RANBP17: variants seen among roughly 807,000 people sequenced by gnomAD.
RANBP17 encodes the protein ran-binding protein 17.
RANBP17 carries 158 observed loss-of-function variants against 141.2 expected under a neutral mutation model. The ratio of observed to expected loss-of-function variants is 1.12; its 90% confidence interval spans 0.98 to 1.28. The LOEUF is 1.28. Among genes scored for constraint, RANBP17 ranks in the 50% most tolerant of loss-of-function variants. The pLI is 0.00. For synonymous variants in RANBP17, 430 were observed against 450.0 expected (o/e 0.96, Z 0.56); for missense variants, 1,438 against 1,290.7 (o/e 1.11, Z -1.75).
chr5:170,975,310 C>T (rs1466862732), intron 14 of RANBP17, among the ~76,000 whole-genome samples: 1 of 152,108 alleles, frequency 6.6e-6, no homozygotes, highest in Non-Finnish European at 1.5e-5. Context: ...GGGTAGATCA[C>T]CTGAGGTCAG....
intron 3 of RANBP17, among the ~76,000 whole-genome samples, chr5:170,884,588 CG>C (rs1768990411): frequency 6.6e-6 from 1 of 151,348 alleles, no homozygotes; most frequent in African/African-American, 2.4e-5. Context: ...CTTGCGGTCT[CG>C]GGGTGGCAGA....
intron 1 of RANBP17, among the ~76,000 whole-genome samples, chr5:170,870,605 T>A (rs537545816): frequency 6.6e-6 from 1 of 152,354 alleles, no homozygotes; most frequent in South Asian, 2.1e-4. Flanking sequence ...CACATTTTCT[T>A]TATCCAGTCT....
chr5:170,968,153 A>T, intron 13 of RANBP17, 89 bp from the exon 14 acceptor site: 1 of 922,776 alleles, frequency 1.1e-6, no homozygotes, highest in Non-Finnish European at 1.6e-6. Flanking sequence ...CAGTGATTAT[A>T]TGTTATATTA....
intron 14 of RANBP17, among the ~76,000 whole-genome samples, chr5:171,075,653 C>T (rs1270827565): frequency 1.3e-5 from 2 of 152,072 alleles, no homozygotes; most frequent in Non-Finnish European, 2.9e-5. Flanking sequence ...TACTAAAAGT[C>T]ACTGAATAAA....
intron 14 of RANBP17, among the ~76,000 whole-genome samples, chr5:171,083,802 T>C (rs185337941): frequency 6.4e-4 from 98 of 152,150 alleles, no homozygotes; most frequent in Admixed American, 5.4e-3. Context: ...CTGATGATAT[T>C]ATAAGGGGGA....
intron 13 of RANBP17, among the ~76,000 whole-genome samples, chr5:170,966,459 T>C (rs1275030563): frequency 6.6e-6 from 1 of 152,156 alleles, no homozygotes; most frequent in Non-Finnish European, 1.5e-5. Context: ...ATTATCTCAA[T>C]AGATGCAGAA....
chr5:171,177,922 G>A (rs1760603078), intron 16 of RANBP17, among the ~76,000 whole-genome samples: 1 of 151,832 alleles, frequency 6.6e-6, no homozygotes, highest in African/African-American at 2.4e-5. Context: ...TGCCCCTTCT[G>A]TTGAGTGATT....
At chr5:171,070,913 T>A (rs532396381) in intron 14 of RANBP17, among the ~76,000 whole-genome samples, 7 of 152,210 alleles carry the variant, frequency 4.6e-5, no homozygotes, top group African/African-American at 1.7e-4. Context: ...GTTTAACCTG[T>A]CTCCAATATA....
intron 14 of RANBP17, among the ~76,000 whole-genome samples, chr5:170,985,033 A>G (rs989120023): frequency 1.6e-4 from 15 of 91,676 alleles, no homozygotes; most frequent in Non-Finnish European, 3.9e-4. Flanking sequence ...ACACACACAG[A>G]CACACAGGCA....
At chr5:171,289,607 C>T (rs1768366037) in intron 25 of RANBP17, among the ~76,000 whole-genome samples, 1 of 152,102 alleles carries the variant, frequency 6.6e-6, no homozygotes, top group Non-Finnish European at 1.5e-5. Flanking sequence ...AGTATGGTGG[C>T]ACCTGCCTGT....
At chr5:171,234,717 C>T (rs1043234425) in intron 22 of RANBP17, among the ~76,000 whole-genome samples, 5 of 152,142 alleles carry the variant, frequency 3.3e-5, no homozygotes, top group African/African-American at 1.2e-4. Context: ...AAGTAGTTGC[C>T]ATCAACTGAG....
At chr5:171,016,938 G>T (rs1780478904) in intron 14 of RANBP17, among the ~76,000 whole-genome samples, 1 of 124,596 alleles carries the variant, frequency 8.0e-6, no homozygotes, top group African/African-American at 3.2e-5. Flanking sequence ...GGCATGTGTT[G>T]TTCCCCTCTA....
At chr5:171,023,702 A>T (rs1182335293) in intron 14 of RANBP17, among the ~76,000 whole-genome samples, 1 of 152,186 alleles carries the variant, frequency 6.6e-6, no homozygotes, top group African/African-American at 2.4e-5. Flanking sequence ...ATAGTTTCTG[A>T]CAAGAAGTCT....
intron 24 of RANBP17, among the ~76,000 whole-genome samples, chr5:171,250,442 C>G: frequency 6.6e-6 from 1 of 152,010 alleles, no homozygotes; most frequent in Admixed American, 6.6e-5. Flanking sequence ...GTAAAACAAC[C>G]AGAAAACAAT....
At chr5:171,173,184 G>A (rs1265277722) in intron 16 of RANBP17, among the ~76,000 whole-genome samples, 1 of 152,008 alleles carries the variant, frequency 6.6e-6, no homozygotes, top group Admixed American at 6.6e-5. Context: ...GAATATGTGA[G>A]TGGTGTATCT....
At chr5:171,189,175 T>TAA (rs1761467724) in intron 18 of RANBP17, among the ~76,000 whole-genome samples, 1 of 152,212 alleles carries the variant, frequency 6.6e-6, no homozygotes, top group Non-Finnish European at 1.5e-5. Context: ...GTGCTCAATA[T>TAA]AAGTCAGTTG....
At chr5:171,202,564 C>G (rs917541714) in intron 19 of RANBP17, among the ~76,000 whole-genome samples, 4 of 152,150 alleles carry the variant, frequency 2.6e-5, no homozygotes, top group African/African-American at 9.7e-5. Flanking sequence ...AGCACTTTAA[C>G]AGAATGATTT....
chr5:170,883,394 G>A (rs1768879118), intron 3 of RANBP17, among the ~76,000 whole-genome samples: 1 of 152,078 alleles, frequency 6.6e-6, no homozygotes. Flanking sequence ...TCAACATCCT[G>A]CACCAAAGTC....
chr5:170,936,245 G>T (rs1000722460), intron 12 of RANBP17, among the ~76,000 whole-genome samples: 1 of 152,092 alleles, frequency 6.6e-6, no homozygotes, highest in African/African-American at 2.4e-5. Context: ...GCGCTTCCAG[G>T]GTGAGGCAAT....
Sources: gnomAD v4.1 joint callset for allele counts (sites outside exome capture counted in the v4.1 genomes callset) on GRCh38, gnomAD v4.1.1 for gene constraint, MANE v1.5 for transcripts, NCBI Gene and HGNC (gene_info 2026-07-23, HGNC 2026-07-21) for gene names.